Variants in KIFC3 observed in about 807,000 individuals in gnomAD.
KIFC3 encodes kinesin family member C3.
Under a neutral mutation model 101.8 loss-of-function variants are expected in KIFC3, and 60 were observed. That is an observed-to-expected ratio of 0.59 (90% CI 0.48 to 0.73). The LOEUF is 0.73. Among genes scored for constraint, KIFC3 ranks in the 30% least tolerant of loss-of-function variants. The pLI is 0.00. For missense variants in KIFC3, 966 were observed against 1,137.1 expected (o/e 0.85, Z 2.16); for synonymous variants, 476 against 482.7 (o/e 0.99, Z 0.18).
In KIFC3 at chr16:57,762,283, GGAAA is replaced by G. The variant is rs782765597; in HGVS notation, c.1618-17_1618-14del. ...TCTCAGCGGTCCCCTGGGGACAGAA[GGAAA>G]GGCCCCAGTAAGCCAGGCCTGTCCC... On this transcript the variant is annotated splice_polypyrimidine_tract_variant and intron_variant, in intron 12 of 19. Coordinates refer to ENST00000445690, the MANE Select transcript of KIFC3 (RefSeq NM_001130100.2). The G allele has an allele frequency of 3.3e-6, 5 of 1,533,154 alleles. No homozygotes were observed. The South Asian group carries it at 4.8e-5, about 15-fold the overall frequency. The allele number at this position is 1,533,154 out of a possible 1,614,324, so 95.0% of individuals were successfully genotyped here.
In KIFC3 at chr16:57,846,825, T is replaced by C. The variant is rs1421383357; in HGVS notation, c.108+15904A>G. Among the ~76,000 whole-genome samples, 6 of 152,176 alleles carry C rather than the reference T, an allele frequency of 3.9e-5. No homozygotes were observed. In the East Asian group the frequency reaches 1.2e-3, roughly 29 times the overall value. On this transcript the variant is annotated intron_variant, in intron 1 of 2. Transcript: ENST00000563028. ...TTGACTGTGACCTGGGATAAGTCTTTATGAGCAAAACAAAGAAATGACCTA... is the reference window on the plus strand; with the variant it reads ...TTGACTGTGACCTGGGATAAGTCTTCATGAGCAAAACAAAGAAATGACCTA...
At chr16:57,806,111 G>C (rs1025674596), upstream of KIFC3, among the ~76,000 whole-genome samples, 6 of 152,174 alleles carry the variant, frequency 3.9e-5, no homozygotes, top group African/African-American at 1.4e-4. Context: ...AAGAGCCTGA[G>C]AGTTCTGCTC....
Position 57,758,744 on chromosome 16 carries a change from T to C in KIFC3, c.*190A>G. ...CCACAGCCGAGAGACACCGTTTCCTTCTGAACATGTTTCTCATCTTTGAGG... is the reference window on the plus strand; with the variant it reads ...CCACAGCCGAGAGACACCGTTTCCTCCTGAACATGTTTCTCATCTTTGAGG... On this transcript the variant is annotated 3_prime_UTR_variant, in exon 20 of 20. Transcript: ENST00000445690. 2 of 945,240 alleles carry C rather than the reference T, an allele frequency of 2.1e-6. No individual in the cohort carries two copies. The highest frequency in any genetic ancestry group is 3.4e-6 in the Non-Finnish European group (2 of 588,900). 58.6% of individuals were successfully genotyped at this position (945,240 alleles called of 1,614,324 possible). A position where few individuals can be genotyped will look rare whatever the true frequency, so the allele number is the denominator to read the frequency against.
At chr16:57,822,268 TTGTC>T in intron 1 of KIFC3, among the ~76,000 whole-genome samples, 1 of 152,128 alleles carries the variant, frequency 6.6e-6, no homozygotes, top group East Asian at 1.9e-4. Context: ...AAGTAATCAC[TTGTC>T]CCTCAAAGGG....
chr16:57,845,386 C>T (rs1356383298), intron 1 of KIFC3, among the ~76,000 whole-genome samples: 1 of 152,170 alleles, frequency 6.6e-6, no homozygotes, highest in African/African-American at 2.4e-5. Flanking sequence ...AAACTGAAGC[C>T]AATCACGTCA....
intron 3 of KIFC3, among the ~76,000 whole-genome samples, chr16:57,784,889 T>A (rs1862809): frequency 0.033 from 4,990 of 152,242 alleles, 110 homozygotes; most frequent in Non-Finnish European, 0.049. Flanking sequence ...GGTACCCAAA[T>A]GTCCTGCCCA....
At chr16:57,796,533 G>A (rs1302136615) in intron 2 of KIFC3, among the ~76,000 whole-genome samples, 1 of 152,220 alleles carries the variant, frequency 6.6e-6, no homozygotes, top group South Asian at 2.1e-4. Flanking sequence ...GGGGTTGGTC[G>A]GGGGACTCAG....
intron 2 of KIFC3, among the ~76,000 whole-genome samples, chr16:57,795,814 T>A (rs1598138961): frequency 6.6e-6 from 1 of 150,462 alleles, no homozygotes. Flanking sequence ...CGTAACAATA[T>A]CCCGAGTGCC....
chr16:57,852,112 G>C (rs1209291477), intron 1 of KIFC3, among the ~76,000 whole-genome samples: 1 of 151,268 alleles, frequency 6.6e-6, no homozygotes, highest in African/African-American at 2.4e-5. Context: ...CTTTTTTCCT[G>C]CTTATTTTAT....
intron 1 of KIFC3, chr16:57,813,744 C>T: frequency 1.0e-6 from 1 of 985,404 alleles, no homozygotes; most frequent in Non-Finnish European, 1.2e-6. Flanking sequence ...TTGGCATCCT[C>T]ACAGCCTCTG....
At position 57,802,415 on chromosome 16, in the gene KIFC3, C is replaced by A. The variant is rs1415574386; in HGVS notation, c.-85G>T. The stretch of plus-strand genomic sequence containing the variant: ...CCAGGCGTCGCCGCAGCGCCCGGGG[C>A]TCGGCCCGGCCCGGCCCGCCGGCAG... On this transcript the variant is annotated 5_prime_UTR_variant, in exon 1 of 20. Transcript: ENST00000445690. This position sits in a 1 kb window ranked among gnomAD's most constrained non-coding sequence, Gnocchi z 5.0. 2 of 982,990 alleles carry A rather than the reference C, an allele frequency of 2.0e-6. No homozygotes were observed. Among genetic ancestry groups the A allele is most frequent in the African/African-American group, 1.8e-5 (1 of 56,964 alleles). 60.9% of individuals were successfully genotyped at this position (982,990 alleles called of 1,614,324 possible).
intron 1 of KIFC3, among the ~76,000 whole-genome samples, chr16:57,858,331 A>C (rs1167563340): frequency 6.6e-6 from 1 of 152,190 alleles, no homozygotes; most frequent in Non-Finnish European, 1.5e-5. Flanking sequence ...CTAGGAGAAG[A>C]AGCCTTCCCT....
At chr16:57,802,969 A>G, upstream of KIFC3, 1 of 1,535,504 alleles carries the variant, frequency 6.5e-7, no homozygotes, top group Non-Finnish European at 8.7e-7. This position sits in a 1 kb window ranked among gnomAD's most constrained non-coding sequence, Gnocchi z 5.0. Flanking sequence ...ACGAGACAAT[A>G]CATGTACATC....
intron 2 of KIFC3, chr16:57,797,818 G>C: frequency 7.1e-7 from 1 of 1,407,084 alleles, no homozygotes; most frequent in Non-Finnish European, 9.2e-7. Flanking sequence ...GATTCCCCCT[G>C]CTCTGTGCCC....
At chr16:57,792,019 G>C (rs2053915174) in intron 3 of KIFC3, among the ~76,000 whole-genome samples, 1 of 152,172 alleles carries the variant, frequency 6.6e-6, no homozygotes, top group African/African-American at 2.4e-5. Flanking sequence ...AGCTACCCGG[G>C]CCAGGACATC....
chr16:57,783,777 A>G (rs1182023394), intron 3 of KIFC3, among the ~76,000 whole-genome samples: 1 of 152,068 alleles, frequency 6.6e-6, no homozygotes, highest in Non-Finnish European at 1.5e-5. Context: ...CCAGCCCACA[A>G]AGCCCTTTAA....
intron 7 of KIFC3, 90 bp from the exon 8 acceptor site, chr16:57,770,045 T>C: frequency 6.7e-7 from 1 of 1,481,502 alleles, no homozygotes; most frequent in East Asian, 2.3e-5. Flanking sequence ...TCACCTCCCA[T>C]GCACATGAAC....
At chr16:57,852,301 T>C (rs2056075198) in intron 1 of KIFC3, among the ~76,000 whole-genome samples, 1 of 152,024 alleles carries the variant, frequency 6.6e-6, no homozygotes, top group Non-Finnish European at 1.5e-5. Flanking sequence ...AGGGTCCTCA[T>C]TGTCAGTTTT....
At chr16:57,759,386 G>A (rs2049538441) in intron 18 of KIFC3, 1 of 600,732 alleles carries the variant, frequency 1.7e-6, no homozygotes, top group African/African-American at 1.9e-5. Flanking sequence ...CACAGGGAGG[G>A]GGCTGCAGGG....
Sources: gnomAD v4.1 joint callset for allele counts (sites outside exome capture counted in the v4.1 genomes callset) on GRCh38, gnomAD v4.1.1 for gene constraint, Gnocchi (gnomAD v3.1) non-coding constraint, MANE v1.5 for transcripts, NCBI Gene and HGNC (gene_info 2026-07-23, HGNC 2026-07-21) for gene names.